NBAS: variants seen among roughly 807,000 people sequenced by gnomAD.
NBAS encodes the protein NAG/BC035112 fusion.
In NBAS, 219 loss-of-function variants were observed where a neutral mutation model predicts 302.5. The ratio of observed to expected loss-of-function variants is 0.72; its 90% CI spans 0.65 to 0.81. NBAS has a LOEUF of 0.81. Ranked by LOEUF, NBAS falls within the 30% of genes least tolerant of loss-of-function variation. The probability of loss-of-function intolerance (pLI) is 0.00; values close to 1 mark genes in which losing one functional copy is unlikely to be tolerated. For synonymous variants in NBAS, 1,118 were observed against 1,021.6 expected (o/e 1.09, Z -1.80); for missense variants, 2,932 against 2,841.6 (o/e 1.03, Z -0.72).
intron 50 of NBAS, among the ~76,000 whole-genome samples, chr2:15,185,190 C>G (rs1413340408): frequency 6.6e-6 from 1 of 152,182 alleles, no homozygotes; most frequent in Non-Finnish European, 1.5e-5. Flanking sequence ...TGACCTCAAA[C>G]CCTCCAATCC....
At chr2:15,073,079 G>T in the NBAS span, among the ~76,000 whole-genome samples, 1 of 152,106 alleles carries the variant, frequency 6.6e-6, no homozygotes, top group South Asian at 2.1e-4. Context: ...AGCTGAGATC[G>T]CACTGCTGCA....
intron 44 of NBAS, among the ~76,000 whole-genome samples, chr2:15,270,187 A>AT (rs1373266375): frequency 2.6e-5 from 4 of 151,886 alleles, no homozygotes; most frequent in East Asian, 3.9e-4. Context: ...TTTGTCTTTA[A>AT]TTTTTTTTGT....
At chr2:15,258,696 T>C (rs1208203776) in intron 44 of NBAS, among the ~76,000 whole-genome samples, 3 of 152,170 alleles carry the variant, frequency 2.0e-5, no homozygotes, top group Non-Finnish European at 4.4e-5. Flanking sequence ...TGTTTTCTGT[T>C]GTTTAAGATG....
intron 31 of NBAS, among the ~76,000 whole-genome samples, chr2:15,372,155 A>G (rs534560749): frequency 1.8e-4 from 28 of 152,204 alleles, no homozygotes; most frequent in Non-Finnish European, 3.1e-4. Flanking sequence ...AAGCTGACTT[A>G]CCCTATTATA....
chr2:14,912,262 T>C, the NBAS span, among the ~76,000 whole-genome samples: 1 of 152,210 alleles, frequency 6.6e-6, no homozygotes, highest in African/African-American at 2.4e-5. Context: ...ATTTGAAAAG[T>C]GCTTAGAAAG....
At chr2:14,864,327 A>C in the NBAS span, among the ~76,000 whole-genome samples, 1 of 151,622 alleles carries the variant, frequency 6.6e-6, no homozygotes, top group Admixed American at 6.6e-5. Flanking sequence ...TCTCAAAAAA[A>C]AAAAAAAAAA....
chr2:15,343,118 T>C (rs1672933961), intron 35 of NBAS, among the ~76,000 whole-genome samples: 1 of 152,094 alleles, frequency 6.6e-6, no homozygotes, highest in African/African-American at 2.4e-5. Flanking sequence ...AAAAACTTCA[T>C]CCAGATTTAC....
At chr2:14,802,595 T>C in the NBAS span, among the ~76,000 whole-genome samples, 1 of 151,768 alleles carries the variant, frequency 6.6e-6, no homozygotes, top group African/African-American at 2.4e-5. Context: ...CACACGTATG[T>C]TTATTGCAGC....
At chr2:15,435,789 A>T (rs1225943389) in intron 21 of NBAS, among the ~76,000 whole-genome samples, 1 of 152,144 alleles carries the variant, frequency 6.6e-6, no homozygotes, top group African/African-American at 2.4e-5. Flanking sequence ...TAATCTTTCG[A>T]TAGTATATAA....
the NBAS span, among the ~76,000 whole-genome samples, chr2:15,151,304 C>T: frequency 2.0e-5 from 3 of 152,224 alleles, no homozygotes; most frequent in Non-Finnish European, 4.4e-5. Context: ...GAAACCAAAC[C>T]TTGGTCTACA....
the NBAS span, among the ~76,000 whole-genome samples, chr2:14,908,869 G>C: frequency 2.4e-4 from 36 of 152,168 alleles, no homozygotes; most frequent in Admixed American, 2.2e-3. Context: ...AGAGCTGGAA[G>C]GGTCTTCAGA....
the NBAS span, among the ~76,000 whole-genome samples, chr2:15,151,910 C>T: frequency 6.6e-6 from 1 of 152,100 alleles, no homozygotes; most frequent in Non-Finnish European, 1.5e-5. Context: ...TGCAGTGGCG[C>T]AATCTCGGCT....
intron 21 of NBAS, among the ~76,000 whole-genome samples, chr2:15,431,398 C>A (rs922146815): frequency 6.6e-6 from 1 of 152,042 alleles, no homozygotes; most frequent in Non-Finnish European, 1.5e-5. Flanking sequence ...ACCGTAAGTT[C>A]TTTATTTTGC....
chr2:15,233,671 C>G (rs1667472610), intron 46 of NBAS, among the ~76,000 whole-genome samples: 2 of 152,106 alleles, frequency 1.3e-5, no homozygotes, highest in Middle Eastern at 6.8e-3. Context: ...GAAATTTGTT[C>G]TTTTTTAGAA....
chr2:14,861,175 T>C, the NBAS span, among the ~76,000 whole-genome samples: 1 of 152,222 alleles, frequency 6.6e-6, no homozygotes, highest in African/African-American at 2.4e-5. Context: ...CACTTACAAC[T>C]CTAATACACA....
intron 25 of NBAS, among the ~76,000 whole-genome samples, chr2:15,411,159 C>G (rs1016501873): frequency 6.6e-6 from 1 of 152,164 alleles, no homozygotes; most frequent in Middle Eastern, 3.2e-3. Flanking sequence ...GGCAAGCGCC[C>G]TAAATCGGCT....
chr2:14,997,979 C>T, the NBAS span, among the ~76,000 whole-genome samples: 1 of 152,060 alleles, frequency 6.6e-6, no homozygotes, highest in African/African-American at 2.4e-5. Flanking sequence ...GTTCCTTTCT[C>T]CTCGCTTTTT....
the NBAS span, among the ~76,000 whole-genome samples, chr2:14,975,817 A>G: frequency 6.7e-6 from 1 of 149,220 alleles, no homozygotes; most frequent in Admixed American, 6.6e-5. Flanking sequence ...TTGTTTCATC[A>G]TGACTGGTAG....
At chr2:14,885,813 T>G in the NBAS span, among the ~76,000 whole-genome samples, 3 of 152,130 alleles carry the variant, frequency 2.0e-5, no homozygotes, top group Non-Finnish European at 4.4e-5. Context: ...TGACAATGTT[T>G]TGGAATATCA....
Sources: allele counts gnomAD v4.1 joint callset (sites outside exome capture counted in the v4.1 genomes callset), GRCh38; gene constraint gnomAD v4.1.1; transcripts MANE v1.5; gene names NCBI Gene and HGNC (gene_info 2026-07-23, HGNC 2026-07-21).